Variants in ENPP1 observed in about 807,000 individuals in gnomAD.
ENPP1 encodes ectonucleotide pyrophosphatase/phosphodiesterase 1.
ENPP1 carries 73 observed loss-of-function variants against 122.8 expected under a neutral mutation model. That is an observed-to-expected ratio of 0.59 (90% CI 0.49 to 0.72). The LOEUF is 0.72. Ranked by LOEUF, ENPP1 falls within the 30% of genes least tolerant of loss-of-function variation. The probability of loss-of-function intolerance (pLI) is 0.00; values close to 1 mark genes in which losing one functional copy is unlikely to be tolerated. For synonymous variants in ENPP1, 367 were observed against 391.6 expected, an observed-to-expected ratio of 0.94 and a Z score of 0.74; for missense variants, 978 against 1,128.1, an observed-to-expected ratio of 0.87 and a Z score of 1.91.
intron 13 of ENPP1, 64 bp downstream of exon 13, chr6:131,869,553 G>A (rs1585830768): frequency 6.5e-7 from 1 of 1,540,806 alleles, no homozygotes; most frequent in Non-Finnish European, 9.0e-7. Context: ...TTTAGGCCGG[G>A]CACAGTGGCT....
intron 1 of ENPP1, among the ~76,000 whole-genome samples, chr6:131,813,483 T>C (rs1158625940): frequency 1.3e-5 from 2 of 151,746 alleles, no homozygotes; most frequent in African/African-American, 2.4e-5. Context: ...TGAGCCGAGA[T>C]TGCACCATTA....
In ENPP1 at chr6:131,872,658, A is replaced by G. The variant is rs17847043; in HGVS notation, c.1438-265A>G. ...GTAATAATTATGATTTCCTCTAAAT[A>G]TTTCAAGTAGTTTGGAAGATTTACC... On this transcript the variant is annotated intron_variant, in intron 14 of 24. Coordinates refer to ENST00000647893, the MANE Select transcript of ENPP1 (RefSeq NM_006208.3). 2.8e-4 allele frequency among the ~76,000 whole-genome samples: 43 copies of G among 152,256 alleles called. No individual in the cohort carries two copies. The East Asian group carries it at 8.1e-3, about 29-fold the overall frequency.
Position 131,884,981 on chromosome 6 carries a change from A to G in ENPP1, c.2362A>G (p.Arg788Gly). The G allele has an allele frequency of 1.9e-6, 3 of 1,614,086 alleles. No individual in the cohort carries two copies. Among genetic ancestry groups the G allele is most frequent in the Non-Finnish European group, 2.5e-6 (3 of 1,179,932 alleles). The change falls in exon 23 of 25, where the codon AGA becomes GGA. Residue 788 changes from arginine (R) to glycine (G), a missense_variant. By Grantham distance (125) the Arg-to-Gly change is moderately radical. Transcript: ENST00000647893. ...CCTACTGCGAAAGTATGCTGAAGAA[A>G]GAAATGGTGTCAATGTCGTCAGTGG... Reference protein sequence around the residue: ...DTLLRKYAEERNGVNVVSGPV... With the variant: ...DTLLRKYAEEGNGVNVVSGPV...
intron 10 of ENPP1, 79 bp from the exon 11 acceptor site, chr6:131,864,787 A>C: frequency 1.0e-6 from 1 of 963,878 alleles, no homozygotes; most frequent in Non-Finnish European, 1.7e-6. Context: ...TTTAATCCCT[A>C]TCAATTGATG....
In ENPP1 at chr6:131,851,274, T is replaced by C. The variant is rs1023846122; in HGVS notation, c.556+7T>C. 6.2e-7 allele frequency: 1 copy of C among 1,613,990 alleles called. No individual in the cohort carries two copies. Among genetic ancestry groups the C allele is most frequent in the Admixed American group, 1.7e-5 (1 of 59,990 alleles). Reference sequence around the variant, plus strand: ...TACAGTTCTGTGTGTCAAGGTCAGGTGCTCGTTGGGCTCTGCAGCAGCCTG... The same window carrying C: ...TACAGTTCTGTGTGTCAAGGTCAGGCGCTCGTTGGGCTCTGCAGCAGCCTG... On this transcript the variant is annotated splice_region_variant and intron_variant, in intron 4 of 24. Coordinates refer to ENST00000647893, the MANE Select transcript of ENPP1 (RefSeq NM_006208.3).
intron 1 of ENPP1, among the ~76,000 whole-genome samples, chr6:131,835,939 A>G (rs1183907437): frequency 6.6e-6 from 1 of 152,196 alleles, no homozygotes; most frequent in Non-Finnish European, 1.5e-5. Context: ...CATTTAAAGA[A>G]AGGTTAAAGG....
Position 131,874,259 on chromosome 6 carries a change from C to G in ENPP1, c.1566-9C>G, listed in dbSNP as rs1194990648. 6.6e-7 allele frequency: 1 copy of G among 1,508,572 alleles called. No individual in the cohort carries two copies. Among genetic ancestry groups the G allele is most frequent in the Admixed American group, 1.7e-5 (1 of 59,796 alleles). 93.4% of individuals were successfully genotyped at this position (1,508,572 alleles called of 1,614,324 possible). On this transcript the variant is annotated splice_polypyrimidine_tract_variant and intron_variant, in intron 15 of 24. Coordinates refer to ENST00000647893, the MANE Select transcript of ENPP1 (RefSeq NM_006208.3). ...CTTTACATTTTTAATTCATATATGT[C>G]AACATTAGGAATCCCTCAGAAAGGA...
intron 13 of ENPP1, among the ~76,000 whole-genome samples, chr6:131,871,373 G>A (rs758099647): frequency 6.6e-6 from 1 of 152,142 alleles, no homozygotes; most frequent in South Asian, 2.1e-4. Context: ...TGCAAATGCA[G>A]TTTTTAAACT....
chr6:131,869,626 C>T (rs1174520473), intron 13 of ENPP1, 137 bp downstream of exon 13: 5 of 751,388 alleles, frequency 6.7e-6, no homozygotes, highest in Admixed American at 4.1e-5. Context: ...GTCAGGAGTT[C>T]GAGACCAGCC....
At chr6:131,878,403 G>GAA in intron 18 of ENPP1, 139 bp from the exon 19 acceptor site, 1 of 690,086 alleles carries the variant, frequency 1.4e-6, no homozygotes, top group Non-Finnish European at 2.6e-6. Flanking sequence ...CCTTGAAAGA[G>GAA]AAAAAAAAAT....
At chr6:131,831,115 A>C (rs1213201231) in intron 1 of ENPP1, among the ~76,000 whole-genome samples, 2 of 52,218 alleles carry the variant, frequency 3.8e-5, no homozygotes, top group African/African-American at 1.3e-4. Context: ...CCCATCTCTC[A>C]AAAAAAAAAA....
chr6:131,858,588 C>A, intron 6 of ENPP1, 80 bp from the exon 7 acceptor site: 1 of 876,740 alleles, frequency 1.1e-6, no homozygotes, highest in Non-Finnish European at 1.9e-6. Context: ...GTGATTTAGA[C>A]TGCTGTGGTA....
rs974830147 is a variant in ENPP1, at chr6:131,834,126, T to C, written c.241-13650T>C. 4.6e-5 allele frequency among the ~76,000 whole-genome samples: 7 copies of C among 152,246 alleles called. No homozygotes were observed. In the East Asian group the frequency reaches 9.6e-4, roughly 21 times the overall value. ...ATACTATGAGATGGATGTTTTATTCTTTGACCTTTAACTTCAGAGAGAAAT... is the reference window on the plus strand; with the variant it reads ...ATACTATGAGATGGATGTTTTATTCCTTGACCTTTAACTTCAGAGAGAAAT... On this transcript the variant is annotated intron_variant, in intron 1 of 24. Coordinates refer to ENST00000647893, the MANE Select transcript of ENPP1 (RefSeq NM_006208.3).
chr6:131,883,551 C>T, intron 21 of ENPP1, 143 bp from the exon 22 acceptor site: 9 of 551,474 alleles, frequency 1.6e-5, no homozygotes, highest in South Asian at 7.6e-5. Context: ...TTACATTTTC[C>T]CTTGACCCTG....
rs572587898 is a variant in ENPP1, at chr6:131,858,090, C to T, written c.716-578C>T. Among the ~76,000 whole-genome samples the T allele has an allele frequency of 5.9e-5, 9 of 152,232 alleles. No individual in the cohort carries two copies. In the South Asian group the frequency reaches 1.2e-3, roughly 21 times the overall value. ...CGCTGGAATCATTAGTTATGTGTTCCCTCCTCAATAGTAGAGGCAGGAGAA... is the reference window on the plus strand; with the variant it reads ...CGCTGGAATCATTAGTTATGTGTTCTCTCCTCAATAGTAGAGGCAGGAGAA... On this transcript the variant is annotated intron_variant, in intron 6 of 24. Transcript: ENST00000647893.
At position 131,852,233 on chromosome 6, in the gene ENPP1, A is replaced by G; in HGVS notation, c.615A>G (p.Ala205=). The change falls in exon 5 of 25, where the codon GCA becomes GCG. Residue 205 remains alanine (A), a splice_region_variant and synonymous_variant. Transcript: ENST00000647893. ...CESINEPQCP[A]GFETPPTLLF... ...GCATTAATGAGCCACAGTGCCCAGC[A>G]GGGTAAGATTATATTCTGAGGTATT... 6.3e-7 allele frequency: 1 copy of G among 1,597,412 alleles called. No homozygotes were observed. The highest frequency in any genetic ancestry group is 1.1e-5 in the South Asian group (1 of 90,838).
chr6:131,814,896 T>C (rs1369719617), intron 1 of ENPP1, among the ~76,000 whole-genome samples: 1 of 152,198 alleles, frequency 6.6e-6, no homozygotes, highest in Non-Finnish European at 1.5e-5. Context: ...TACCTGACAC[T>C]CAATGTCAGC....
At chr6:131,882,705 G>A (rs1012008623) in intron 21 of ENPP1, among the ~76,000 whole-genome samples, 4 of 148,524 alleles carry the variant, frequency 2.7e-5, no homozygotes, top group Non-Finnish European at 5.9e-5. Flanking sequence ...GTGAAAAATT[G>A]TGGATTTGGT....
chr6:131,871,964 C>T lies in ENPP1; in HGVS notation c.1406-106C>T. ...CTTAAATGAACTCTTTAAAACCTGCCTTGGTATTTAAATGCAGAGTTTGGA... is the reference window on the plus strand; with the variant it reads ...CTTAAATGAACTCTTTAAAACCTGCTTTGGTATTTAAATGCAGAGTTTGGA... On this transcript the variant is annotated intron_variant, in intron 13 of 24. Coordinates refer to ENST00000647893, the MANE Select transcript of ENPP1 (RefSeq NM_006208.3). 8 of 868,302 alleles carry T rather than the reference C, an allele frequency of 9.2e-6. No individual in the cohort carries two copies. The South Asian group carries it at 9.8e-5, about 11-fold the overall frequency. 53.8% of individuals were successfully genotyped at this position (868,302 alleles called of 1,614,324 possible). A position where few individuals can be genotyped will look rare whatever the true frequency, so the allele number is the denominator to read the frequency against.
Sources: gnomAD v4.1 joint callset for allele counts (sites outside exome capture counted in the v4.1 genomes callset) on GRCh38, gnomAD v4.1.1 for gene constraint, MANE v1.5 for transcripts, NCBI Gene and HGNC (gene_info 2026-07-23, HGNC 2026-07-21) for gene names.